The following TRPM3 variants were observed in gnomAD, a reference collection of about 807,000 sequenced individuals.
TRPM3 encodes transient receptor potential cation channel subfamily M member 3.
Under a neutral mutation model 181.2 loss-of-function variants are expected in TRPM3, and 77 were observed. The ratio of observed to expected loss-of-function variants is 0.42; its 90% CI spans 0.35 to 0.51. The LOEUF (loss-of-function observed/expected upper bound fraction) is 0.51, where lower values mean the gene tolerates loss of function less well. Ranked by LOEUF, TRPM3 falls within the 20% of genes least tolerant of loss-of-function variation. TRPM3 has a pLI of 0.01. For missense variants in TRPM3, 1,759 were observed against 2,196.7 expected (o/e 0.80, Z 3.98); for synonymous variants, 745 against 796.4 (o/e 0.94, Z 1.09).
chr9:70,935,931 G>C lies in TRPM3; in HGVS notation c.178-71420C>G, dbSNP rs555986428. ...TAGGAAAAGGAGTAGTGGTGGTTTA[G>C]TTACTGACAGTACAAAAAGGCCTGT... On this transcript the variant is annotated intron_variant, in intron 1 of 25. Coordinates refer to ENST00000677713, the MANE Select transcript of TRPM3 (RefSeq NM_001366145.2). Among the ~76,000 whole-genome samples, 20 of 152,284 alleles carry C rather than the reference G, an allele frequency of 1.3e-4. 2 individuals carry two copies. In the South Asian group the frequency reaches 3.1e-3, roughly 24 times the overall value.
intron 1 of TRPM3, among the ~76,000 whole-genome samples, chr9:70,985,737 C>T (rs1452362417): frequency 6.6e-6 from 1 of 152,116 alleles, no homozygotes; most frequent in Non-Finnish European, 1.5e-5. Context: ...AATCTCTGCA[C>T]TCATGCAATC....
chr9:71,420,659 AAG>A (rs1250646507), intron 1 of TRPM3, among the ~76,000 whole-genome samples: 13 of 78,452 alleles, frequency 1.7e-4, no homozygotes, highest in African/African-American at 3.8e-4. Flanking sequence ...GAGAAAGAAA[AAG>A]AGAAAGAAAG....
intron 22 of TRPM3, among the ~76,000 whole-genome samples, chr9:70,555,363 C>A (rs2047418987): frequency 2.6e-5 from 4 of 152,188 alleles, no homozygotes; most frequent in Admixed American, 2.6e-4. Context: ...ACTGTGTCAC[C>A]ATTGCCAGTT....
chr9:70,593,897 A>G (rs2058551651), intron 21 of TRPM3, among the ~76,000 whole-genome samples: 3 of 147,736 alleles, frequency 2.0e-5, no homozygotes, highest in Admixed American at 6.8e-5. Context: ...CATATATATA[A>G]TATGCATTGT....
chr9:71,207,728 C>T (rs2131776794), intron 1 of TRPM3, among the ~76,000 whole-genome samples: 1 of 152,254 alleles, frequency 6.6e-6, no homozygotes, highest in South Asian at 2.1e-4. Flanking sequence ...TAAAGTATTT[C>T]TGAATATGTC....
intron 3 of TRPM3, among the ~76,000 whole-genome samples, chr9:70,854,125 G>A (rs1414241090): frequency 3.9e-5 from 6 of 152,162 alleles, no homozygotes; most frequent in Admixed American, 2.0e-4. Flanking sequence ...TTTGAAATTA[G>A]GAGCTATTTT....
At chr9:70,955,854 G>A (rs1181737294) in intron 1 of TRPM3, among the ~76,000 whole-genome samples, 1 of 152,140 alleles carries the variant, frequency 6.6e-6, no homozygotes, top group Non-Finnish European at 1.5e-5. Flanking sequence ...AACAAGCTCA[G>A]TGGTAACCAC....
At chr9:71,214,603 A>G (rs1402636971) in intron 1 of TRPM3, among the ~76,000 whole-genome samples, 1 of 152,076 alleles carries the variant, frequency 6.6e-6, no homozygotes, top group Non-Finnish European at 1.5e-5. Context: ...ATATTCTGTC[A>G]CTTCCCTTTT....
chr9:71,317,081 A>G (rs2088671126), intron 1 of TRPM3, among the ~76,000 whole-genome samples: 1 of 152,096 alleles, frequency 6.6e-6, no homozygotes, highest in Non-Finnish European at 1.5e-5. Flanking sequence ...TCTCTCCTTC[A>G]TAAGATGTCA....
At chr9:70,859,353 C>T (rs768090534) in intron 3 of TRPM3, among the ~76,000 whole-genome samples, 3 of 152,098 alleles carry the variant, frequency 2.0e-5, no homozygotes, top group African/African-American at 7.2e-5. Context: ...TCTGCTTCTT[C>T]GAGTCTTTCT....
intron 1 of TRPM3, among the ~76,000 whole-genome samples, chr9:71,368,641 G>T (rs2092415507): frequency 6.6e-6 from 1 of 152,128 alleles, no homozygotes; most frequent in Non-Finnish European, 1.5e-5. Context: ...TAATAGAGTT[G>T]CATGTAACAG....
At chr9:70,981,637 A>G (rs866314106) in intron 1 of TRPM3, among the ~76,000 whole-genome samples, 5 of 152,298 alleles carry the variant, frequency 3.3e-5, no homozygotes, top group Non-Finnish European at 5.9e-5. Flanking sequence ...TGATAATAAT[A>G]GGTCCTAAAT....
At chr9:70,812,836 G>C (rs1353478071) in intron 6 of TRPM3, among the ~76,000 whole-genome samples, 4 of 152,168 alleles carry the variant, frequency 2.6e-5, no homozygotes, top group African/African-American at 9.7e-5. Context: ...AGTGGGGTGA[G>C]ATTAGTGGTA....
chr9:70,823,086 G>A (rs1172317712), intron 6 of TRPM3, among the ~76,000 whole-genome samples: 1 of 152,052 alleles, frequency 6.6e-6, no homozygotes, highest in African/African-American at 2.4e-5. Flanking sequence ...ACGGAGGCTA[G>A]GCTGCTGCCC....
intron 1 of TRPM3, among the ~76,000 whole-genome samples, chr9:71,007,421 T>C (rs1214421049): frequency 2.6e-5 from 4 of 152,132 alleles, no homozygotes; most frequent in Non-Finnish European, 4.4e-5. Flanking sequence ...TTTTCCATTT[T>C]TTCTCAACAA....
intron 1 of TRPM3, among the ~76,000 whole-genome samples, chr9:71,348,269 A>G (rs940122111): frequency 6.6e-6 from 1 of 152,112 alleles, no homozygotes; most frequent in Admixed American, 6.6e-5. Context: ...AATCATTGCT[A>G]CATTTGATGA....
chr9:70,982,383 G>C (rs929116609), intron 1 of TRPM3, among the ~76,000 whole-genome samples: 32 of 152,204 alleles, frequency 2.1e-4, no homozygotes, highest in African/African-American at 7.7e-4. Flanking sequence ...GGACCCTCTT[G>C]AAAATGACAA....
intron 6 of TRPM3, among the ~76,000 whole-genome samples, chr9:70,821,892 T>C (rs2093203194): frequency 6.6e-6 from 1 of 152,192 alleles, no homozygotes; most frequent in Non-Finnish European, 1.5e-5. Flanking sequence ...GAAAAAACCA[T>C]ACAACTCTGA....
intron 1 of TRPM3, among the ~76,000 whole-genome samples, chr9:71,187,941 AGATAGATAGATC>A (rs779353903): frequency 0.061 from 4,819 of 79,284 alleles, 102 homozygotes; most frequent in South Asian, 0.11. Context: ...ATAGATAGAT[AGATAGATAGATC>A]ATCGCATTTT....
Sources: gnomAD v4.1 joint callset for allele counts (sites outside exome capture counted in the v4.1 genomes callset) on GRCh38, gnomAD v4.1.1 for gene constraint, MANE v1.5 for transcripts, NCBI Gene and HGNC (gene_info 2026-07-23, HGNC 2026-07-21) for gene names.